Variants in VPS50 observed in about 807,000 individuals in gnomAD.
VPS50 encodes syndetin.
A neutral mutation model predicts 139.7 loss-of-function variants in VPS50; 70 were observed. The ratio of observed to expected loss-of-function variants is 0.50; its 90% CI spans 0.41 to 0.61. The LOEUF (loss-of-function observed/expected upper bound fraction) is 0.61. Among genes scored for constraint, VPS50 ranks in the 20% least tolerant of loss-of-function variants. The pLI is 0.00. For missense variants in VPS50, 921 were observed against 1,133.7 expected, an observed-to-expected ratio of 0.81 and a Z score of 2.69; for synonymous variants, 365 against 376.7, an observed-to-expected ratio of 0.97 and a Z score of 0.36.
intron 20 of VPS50, among the ~76,000 whole-genome samples, chr7:93,314,979 G>T (rs1002391947): frequency 6.6e-6 from 1 of 151,810 alleles, no homozygotes; most frequent in African/African-American, 2.4e-5. Flanking sequence ...ATACCCCAAG[G>T]TATAAGCAGA....
chr7:93,272,810 T>TA, intron 11 of VPS50, 77 bp downstream of exon 11: 2 of 665,974 alleles, frequency 3.0e-6, no homozygotes, highest in Non-Finnish European at 5.3e-6. Flanking sequence ...TGAATATTAT[T>TA]AATCTCATGT....
intron 27 of VPS50, 27 bp downstream of exon 27, chr7:93,356,107 G>A: frequency 1.3e-5 from 15 of 1,172,628 alleles, no homozygotes; most frequent in Middle Eastern, 4.3e-4. Context: ...AGTTAATTAA[G>A]TTTTTATTCC....
chr7:93,296,554 G>T (rs1191873836), intron 14 of VPS50, among the ~76,000 whole-genome samples, 188 bp from the exon 15 acceptor site: 2 of 152,238 alleles, frequency 1.3e-5, no homozygotes, highest in East Asian at 1.9e-4. Flanking sequence ...GGCATTCCTG[G>T]TATAGGAAAT....
At chr7:93,336,155 G>A (rs1443375737) in intron 22 of VPS50, among the ~76,000 whole-genome samples, 1 of 152,004 alleles carries the variant, frequency 6.6e-6, no homozygotes, top group African/African-American at 2.4e-5. Flanking sequence ...CCAACTAGAT[G>A]GAAGTAATAT....
chr7:93,339,408 C>G (rs779282438), intron 22 of VPS50, among the ~76,000 whole-genome samples: 11 of 150,846 alleles, frequency 7.3e-5, no homozygotes, highest in Non-Finnish European at 1.2e-4. Context: ...TTGCATTTTG[C>G]TAAATTTATA....
At chr7:93,328,643 T>C (rs906128102) in intron 21 of VPS50, among the ~76,000 whole-genome samples, 4 of 152,148 alleles carry the variant, frequency 2.6e-5, no homozygotes, top group Admixed American at 2.0e-4. Flanking sequence ...AGGGGAGCTA[T>C]GAAAATAAAC....
intron 4 of VPS50, 95 bp downstream of exon 4, chr7:93,254,026 A>C (rs1795415737): frequency 1.7e-6 from 1 of 587,588 alleles, no homozygotes. Flanking sequence ...TTTAACTAAC[A>C]ATTAACATAG....
At chr7:93,248,987 T>G (rs1795236537) in intron 2 of VPS50, among the ~76,000 whole-genome samples, 1 of 152,154 alleles carries the variant, frequency 6.6e-6, no homozygotes, top group Non-Finnish European at 1.5e-5. Context: ...GATTTAATTC[T>G]ATTTTGTATG....
chr7:93,355,908 A>T lies in VPS50; in HGVS notation c.2603A>T (p.Lys868Ile), dbSNP rs1798693340. The change falls in exon 27 of 28, where the codon AAA (lysine) becomes ATA (isoleucine). Residue 868 changes from lysine to isoleucine, a missense_variant. Coordinates refer to ENST00000305866, the MANE Select transcript of VPS50 (RefSeq NM_017667.4). ...TIVEGYANVK[K>I]CSNEGRALMQ... ...CATCTTAGATATGCCAATGTCAAGA[A>T]ATGCAGTAATGAGGGTCGTGCCCTG... 6.3e-7 allele frequency: 1 copy of T among 1,575,746 alleles called. No homozygotes were observed. Among genetic ancestry groups the T allele is most frequent in the African/African-American group, 1.4e-5 (1 of 74,014 alleles).
At chr7:93,265,106 C>A (rs1400328597) in intron 9 of VPS50, among the ~76,000 whole-genome samples, 2 of 152,034 alleles carry the variant, frequency 1.3e-5, no homozygotes, top group Non-Finnish European at 2.9e-5. Context: ...CTTTCCTAAT[C>A]CCTGGAGTAA....
At chr7:93,310,013 A>G (rs1271461893) in intron 19 of VPS50, among the ~76,000 whole-genome samples, 1 of 151,908 alleles carries the variant, frequency 6.6e-6, no homozygotes, top group Non-Finnish European at 1.5e-5. Flanking sequence ...AATTTGTTCT[A>G]TTGGTTTTTG....
chr7:93,310,608 T>A (rs1303908671), intron 19 of VPS50, among the ~76,000 whole-genome samples: 12 of 152,092 alleles, frequency 7.9e-5, no homozygotes, highest in African/African-American at 2.9e-4. Context: ...GCCTCCTTTC[T>A]TGTCACTTTT....
intron 19 of VPS50, 122 bp from the exon 20 acceptor site, chr7:93,311,044 C>T: frequency 1.5e-6 from 1 of 657,492 alleles, no homozygotes; most frequent in Admixed American, 2.7e-5. Context: ...TATATCTTTA[C>T]CTAATGCATA....
At chr7:93,310,325 ATTTTTC>A (rs1176753587) in intron 19 of VPS50, among the ~76,000 whole-genome samples, 1 of 151,834 alleles carries the variant, frequency 6.6e-6, no homozygotes, top group African/African-American at 2.4e-5. Flanking sequence ...GAATTGACCA[ATTTTTC>A]TTGTATTTTA....
intron 12 of VPS50, among the ~76,000 whole-genome samples, chr7:93,283,392 C>T (rs1796387621): frequency 6.6e-6 from 1 of 152,066 alleles, no homozygotes; most frequent in South Asian, 2.1e-4. Flanking sequence ...CCCACCACCA[C>T]ACCCGGCTAA....
chr7:93,342,930 CCTCCTCCAAAGGAACA>C (rs1405404875), intron 23 of VPS50, among the ~76,000 whole-genome samples: 3 of 152,214 alleles, frequency 2.0e-5, no homozygotes, highest in Admixed American at 2.0e-4. Flanking sequence ...CAGCACCTCT[CCTCCTCCAAAGGAACA>C]CAGTTCCTCA....
chr7:93,259,868 A>AT (rs201745021), intron 9 of VPS50, among the ~76,000 whole-genome samples: 1,606 of 152,198 alleles, frequency 0.011, 15 homozygotes, highest in Non-Finnish European at 0.017. Context: ...CATTTTTCAT[A>AT]TTTTTTCCAA....
intron 1 of VPS50, among the ~76,000 whole-genome samples, chr7:93,237,088 C>T (rs1287189283): frequency 1.3e-5 from 2 of 150,682 alleles, no homozygotes; most frequent in East Asian, 1.9e-4. Context: ...GTAGCTGGGA[C>T]TACAGACGCC....
intron 9 of VPS50, among the ~76,000 whole-genome samples, chr7:93,269,793 A>AT (rs1160238600): frequency 1.3e-5 from 2 of 152,006 alleles, no homozygotes; most frequent in Non-Finnish European, 2.9e-5. Context: ...AACAAAAGTG[A>AT]TTTTTTATAT....
Sources: allele counts gnomAD v4.1 joint callset (sites outside exome capture counted in the v4.1 genomes callset), GRCh38; gene constraint gnomAD v4.1.1; transcripts MANE v1.5; gene names NCBI Gene and HGNC (gene_info 2026-07-23, HGNC 2026-07-21).